The following NKAIN2 variants were observed in gnomAD, a reference collection of about 807,000 sequenced individuals.
NKAIN2 encodes the protein sodium/potassium-transporting ATPase subunit beta-1-interacting protein 2.
NKAIN2 carries 14 observed loss-of-function variants against 32.6 expected under a neutral mutation model. The ratio of observed to expected loss-of-function variants is 0.43; its 90% CI spans 0.28 to 0.67. The LOEUF (loss-of-function observed/expected upper bound fraction) is 0.67. Ranked by LOEUF, NKAIN2 falls within the 30% of genes least tolerant of loss-of-function variation. The pLI is 0.17. For synonymous variants in NKAIN2, 80 were observed against 87.2 expected, an observed-to-expected ratio of 0.92 and a Z score of 0.46; for missense variants, 198 against 258.3, an observed-to-expected ratio of 0.77 and a Z score of 1.60.
At chr6:123,912,013 CT>C (rs1775239452) in intron 1 of NKAIN2, among the ~76,000 whole-genome samples, 1 of 151,454 alleles carries the variant, frequency 6.6e-6, no homozygotes, top group South Asian at 2.1e-4. Flanking sequence ...TAACCATTAT[CT>C]TTACCTCTCA....
At chr6:124,615,323 C>T (rs928294799) in intron 3 of NKAIN2, among the ~76,000 whole-genome samples, 1 of 152,062 alleles carries the variant, frequency 6.6e-6, no homozygotes, top group Admixed American at 6.6e-5. Context: ...CTGAGCAAAG[C>T]GCAATATTTG....
At chr6:124,596,434 G>A (rs1029802872) in intron 3 of NKAIN2, among the ~76,000 whole-genome samples, 2 of 152,170 alleles carry the variant, frequency 1.3e-5, no homozygotes, top group South Asian at 2.1e-4. Flanking sequence ...GGTCAGAAGG[G>A]ACCGCCTGTG....
chr6:123,878,237 A>AG (rs55812829), intron 1 of NKAIN2, among the ~76,000 whole-genome samples: 17 of 151,874 alleles, frequency 1.1e-4, no homozygotes, highest in Non-Finnish European at 2.5e-4. Flanking sequence ...AAAAAAAAAA[A>AG]TTGTAATTAT....
intron 3 of NKAIN2, among the ~76,000 whole-genome samples, chr6:124,611,097 G>A (rs1782672947): frequency 1.3e-5 from 2 of 151,808 alleles, no homozygotes; most frequent in Non-Finnish European, 1.5e-5. Context: ...GTTTTCCTCT[G>A]ACTTTTTTAA....
chr6:124,768,179 G>A (rs1409814771), intron 4 of NKAIN2, among the ~76,000 whole-genome samples: 4 of 152,116 alleles, frequency 2.6e-5, no homozygotes, highest in Non-Finnish European at 5.9e-5. Flanking sequence ...TCAAGGAGAT[G>A]TCTTAATAAA....
intron 4 of NKAIN2, among the ~76,000 whole-genome samples, chr6:124,741,470 G>C (rs1777208839): frequency 6.6e-6 from 1 of 151,796 alleles, no homozygotes. Flanking sequence ...ATGAATGCTG[G>C]AAATAATACT....
chr6:124,339,520 C>A (rs961233906), intron 2 of NKAIN2, among the ~76,000 whole-genome samples: 1 of 152,122 alleles, frequency 6.6e-6, no homozygotes, highest in Non-Finnish European at 1.5e-5. Flanking sequence ...TTTGTGGCCA[C>A]ATTAGTCCAG....
Position 124,527,668 on chromosome 6 carries a change from A to C in NKAIN2, c.274-130518A>C, listed in dbSNP as rs375004842. 1.1e-4 allele frequency among the ~76,000 whole-genome samples: 17 copies of C among 152,318 alleles called. No homozygotes were observed. The East Asian group carries it at 2.7e-3, about 24-fold the overall frequency. On this transcript the variant is annotated intron_variant, in intron 3 of 6. Coordinates refer to ENST00000368417, the MANE Select transcript of NKAIN2 (RefSeq NM_001040214.3). ...TGTGCTTATATGGGAGAGACAACCA[A>C]GTAAGCAACATGATAAAGCATGATA...
intron 5 of NKAIN2, among the ~76,000 whole-genome samples, chr6:124,806,196 C>T (rs1780547249): frequency 6.6e-6 from 1 of 152,024 alleles, no homozygotes; most frequent in African/African-American, 2.4e-5. Flanking sequence ...GTCAGATTCA[C>T]CAAAGTTGAA....
In NKAIN2 at chr6:124,546,004, GA is replaced by G. The variant is rs990399592; in HGVS notation, c.274-112170del. ...GTTTTATTTTGAACAAGCTCTCCTAGAAAAAAAAAAAACAGTGAAGAAAAAC... is the reference window on the plus strand; with the variant it reads ...GTTTTATTTTGAACAAGCTCTCCTAGAAAAAAAAAAACAGTGAAGAAAAAC... On this transcript the variant is annotated intron_variant, in intron 3 of 6. Transcript: ENST00000368417. 1.2e-3 allele frequency among the ~76,000 whole-genome samples: 188 copies of G among 151,100 alleles called. 1 individual carries two copies. The highest frequency in any genetic ancestry group is 4.4e-3 in the African/African-American group (183 of 41,156).
intron 3 of NKAIN2, among the ~76,000 whole-genome samples, chr6:124,558,739 G>A (rs1217790581): frequency 6.6e-6 from 1 of 152,204 alleles, no homozygotes; most frequent in African/African-American, 2.4e-5. Context: ...CTTGAGGTCA[G>A]TAGTTTGAGA....
chr6:124,543,487 T>A (rs1398257270), intron 3 of NKAIN2, among the ~76,000 whole-genome samples: 2 of 152,166 alleles, frequency 1.3e-5, no homozygotes, highest in African/African-American at 4.8e-5. Flanking sequence ...ATGACCCAAT[T>A]TGATGTTTAA....
chr6:124,404,794 A>G (rs1208881362), intron 3 of NKAIN2, among the ~76,000 whole-genome samples: 2 of 152,342 alleles, frequency 1.3e-5, no homozygotes, highest in East Asian at 1.9e-4. Context: ...TTTGTTTACT[A>G]TATCATTAAA....
At chr6:124,665,407 A>G (rs1772741539) in intron 4 of NKAIN2, among the ~76,000 whole-genome samples, 1 of 152,238 alleles carries the variant, frequency 6.6e-6, no homozygotes, top group Non-Finnish European at 1.5e-5. Flanking sequence ...ATGTTTAAAA[A>G]TATCAAGCAT....
chr6:124,069,275 A>T (rs1157137371), intron 1 of NKAIN2, among the ~76,000 whole-genome samples: 2 of 152,172 alleles, frequency 1.3e-5, no homozygotes, highest in Non-Finnish European at 2.9e-5. Context: ...TCTATGGAGC[A>T]GTCACCTAGC....
At chr6:124,332,284 A>G (rs2115054798) in intron 2 of NKAIN2, among the ~76,000 whole-genome samples, 3 of 152,106 alleles carry the variant, frequency 2.0e-5, no homozygotes, top group Admixed American at 2.0e-4. Flanking sequence ...GAGAGAGTGT[A>G]TATATTCTTC....
chr6:123,812,823 C>A (rs989267519), intron 1 of NKAIN2, among the ~76,000 whole-genome samples: 3 of 152,216 alleles, frequency 2.0e-5, no homozygotes, highest in Non-Finnish European at 2.9e-5. Flanking sequence ...AAACCCCCAA[C>A]AATGTTGCAT....
intron 4 of NKAIN2, among the ~76,000 whole-genome samples, chr6:124,746,911 A>G (rs555149057): frequency 7.9e-5 from 12 of 152,032 alleles, no homozygotes; most frequent in African/African-American, 2.9e-4. Context: ...CTATAATTTT[A>G]TGAATCAATA....
At chr6:123,852,965 AC>A (rs1203905002) in intron 1 of NKAIN2, among the ~76,000 whole-genome samples, 3 of 152,210 alleles carry the variant, frequency 2.0e-5, no homozygotes, top group African/African-American at 7.2e-5. Context: ...TAAATGTTGT[AC>A]CATGTTTTAC....
Sources: gnomAD v4.1 joint callset for allele counts (sites outside exome capture counted in the v4.1 genomes callset) on GRCh38, gnomAD v4.1.1 for gene constraint, MANE v1.5 for transcripts, NCBI Gene and HGNC (gene_info 2026-07-23, HGNC 2026-07-21) for gene names.